Variants in MINDY4 observed in about 807,000 individuals in gnomAD.
MINDY4 encodes probable ubiquitin carboxyl-terminal hydrolase MINDY-4.
Under a neutral mutation model 87.0 loss-of-function variants are expected in MINDY4, and 68 were observed. That is an observed-to-expected ratio of 0.78 (90% CI 0.64 to 0.96). The LOEUF (loss-of-function observed/expected upper bound fraction) is 0.96, where lower values mean the gene tolerates loss of function less well. MINDY4 is among the 40% of genes least tolerant of loss of function. MINDY4 has a pLI of 0.00. For missense variants in MINDY4, 919 were observed against 928.2 expected (o/e 0.99, Z 0.13); for synonymous variants, 379 against 363.2 (o/e 1.04, Z -0.50).
chr7:30,799,760 T>C (rs946970098), intron 5 of MINDY4, among the ~76,000 whole-genome samples: 7 of 152,174 alleles, frequency 4.6e-5, no homozygotes, highest in Non-Finnish European at 8.8e-5. Flanking sequence ...AGCAATGCCC[T>C]AGGGGCCAAG....
At chr7:30,804,645 T>C (rs1787753858) in intron 5 of MINDY4, among the ~76,000 whole-genome samples, 1 of 152,202 alleles carries the variant, frequency 6.6e-6, no homozygotes, top group South Asian at 2.1e-4. Flanking sequence ...GTCCTCACTA[T>C]CTGACTGGCC....
intron 12 of MINDY4, chr7:30,858,913 G>A: frequency 1.9e-6 from 1 of 515,690 alleles, no homozygotes; most frequent in Middle Eastern, 3.1e-4. Context: ...TGTCCCCCAG[G>A]ACTGTTAGAG....
intron 2 of MINDY4, chr7:30,779,729 T>G (rs1786949545): frequency 6.6e-6 from 1 of 152,238 alleles, no homozygotes; most frequent in African/African-American, 2.4e-5. Flanking sequence ...GGGATGAGGC[T>G]AGAACCAGGT....
intron 5 of MINDY4, among the ~76,000 whole-genome samples, chr7:30,810,190 A>G (rs1036793394): frequency 9.9e-5 from 15 of 151,158 alleles, no homozygotes; most frequent in Non-Finnish European, 1.9e-4. Flanking sequence ...AAAAAAAAAA[A>G]AAAAAAAGAA....
chr7:30,834,644 T>C (rs561516949), intron 6 of MINDY4, among the ~76,000 whole-genome samples: 8 of 152,376 alleles, frequency 5.3e-5, no homozygotes, highest in African/African-American at 1.9e-4. Context: ...GGTTTTCTTT[T>C]CTATTACATT....
chr7:30,880,228 C>G (rs1790416199), intron 15 of MINDY4, among the ~76,000 whole-genome samples: 1 of 151,756 alleles, frequency 6.6e-6, no homozygotes, highest in Admixed American at 6.6e-5. Context: ...TTAAGTAATC[C>G]CTAATTGTGC....
chr7:30,813,569 C>T (rs1004593045), intron 5 of MINDY4, among the ~76,000 whole-genome samples: 2 of 152,174 alleles, frequency 1.3e-5, no homozygotes, highest in South Asian at 2.1e-4. Context: ...AGAGTGGGGG[C>T]AGGGAGGAAT....
At chr7:30,803,581 GAATAACC>G (rs1245116572) in intron 5 of MINDY4, among the ~76,000 whole-genome samples, 1 of 152,130 alleles carries the variant, frequency 6.6e-6, no homozygotes, top group Non-Finnish European at 1.5e-5. Context: ...GAGTGGGTTT[GAATAACC>G]CAGTTTTGTG....
At chr7:30,785,198 C>T (rs1787122689) in intron 3 of MINDY4, among the ~76,000 whole-genome samples, 1 of 151,938 alleles carries the variant, frequency 6.6e-6, no homozygotes, top group Admixed American at 6.6e-5. Flanking sequence ...CATCCACCCT[C>T]TTACACTCCG....
intron 5 of MINDY4, among the ~76,000 whole-genome samples, chr7:30,799,995 G>A (rs759689360): frequency 5.3e-5 from 8 of 152,256 alleles, no homozygotes; most frequent in Non-Finnish European, 7.4e-5. Flanking sequence ...CATTGGCTGT[G>A]GGCTGCCCAT....
chr7:30,849,949 T>C (rs902077349), intron 9 of MINDY4, among the ~76,000 whole-genome samples: 23 of 152,206 alleles, frequency 1.5e-4, no homozygotes, highest in Admixed American at 1.5e-3. Context: ...CCACTCTCTG[T>C]GTCTAAATGT....
At chr7:30,805,056 T>C (rs1041539258) in intron 5 of MINDY4, among the ~76,000 whole-genome samples, 2 of 152,186 alleles carry the variant, frequency 1.3e-5, no homozygotes, top group African/African-American at 2.4e-5. Context: ...TAGAAAGTTC[T>C]CTTGTGTTTT....
chr7:30,867,032 T>C (rs980569577), intron 13 of MINDY4, among the ~76,000 whole-genome samples: 4 of 152,218 alleles, frequency 2.6e-5, no homozygotes, highest in East Asian at 1.9e-4. Flanking sequence ...AGACCTGATA[T>C]GGTCTAGTCC....
Position 30,783,807 on chromosome 7 carries a change from C to T in MINDY4, c.419+1595C>T, listed in dbSNP as rs1196822519. Among the ~76,000 whole-genome samples, 3 of 151,974 alleles carry T rather than the reference C, an allele frequency of 2.0e-5. No homozygotes were observed. In the East Asian group the frequency reaches 5.8e-4, roughly 29 times the overall value. ...TCAAGCACTTGCTTTATTTGATTTT[C>T]GTAAAAACAGGGGTATGGTATTCTA... On this transcript the variant is annotated intron_variant, in intron 3 of 17. Transcript: ENST00000265299.
chr7:30,784,538 A>G (rs891323692), intron 3 of MINDY4, among the ~76,000 whole-genome samples: 6 of 152,188 alleles, frequency 3.9e-5, no homozygotes, highest in Non-Finnish European at 8.8e-5. Flanking sequence ...GAGTCTGGCC[A>G]TGCCGCTATC....
intron 7 of MINDY4, among the ~76,000 whole-genome samples, chr7:30,838,588 C>A (rs1483844401): frequency 6.6e-6 from 1 of 152,172 alleles, no homozygotes; most frequent in East Asian, 1.9e-4. Flanking sequence ...ATGGGCTTTG[C>A]TGTGTGCCAG....
chr7:30,859,182 G>A (rs752762047), intron 12 of MINDY4, 75 bp from the exon 13 acceptor site: 5 of 1,423,792 alleles, frequency 3.5e-6, no homozygotes, highest in South Asian at 1.2e-5. Flanking sequence ...CTGGGGTGTG[G>A]CTCCCACAGA....
At chr7:30,872,201 G>T in intron 13 of MINDY4, 42 bp from the exon 14 acceptor site, 1 of 1,607,950 alleles carries the variant, frequency 6.2e-7, no homozygotes, top group Non-Finnish European at 8.5e-7. Context: ...TGCAACCTGG[G>T]TCAGGCAGAG....
intron 5 of MINDY4, among the ~76,000 whole-genome samples, chr7:30,821,790 G>T (rs1433036170): frequency 1.3e-5 from 2 of 152,024 alleles, no homozygotes; most frequent in Non-Finnish European, 2.9e-5. Context: ...TCTGAGTAAT[G>T]TCATCTGATA....
Sources: allele counts gnomAD v4.1 joint callset (sites outside exome capture counted in the v4.1 genomes callset), GRCh38; gene constraint gnomAD v4.1.1; transcripts MANE v1.5; gene names NCBI Gene and HGNC (gene_info 2026-07-23, HGNC 2026-07-21).